The following GRIA3 variants were observed in gnomAD, a reference collection of about 807,000 sequenced individuals.
GRIA3 encodes glutamate receptor 3.
In GRIA3, 3 loss-of-function variants were observed where a neutral mutation model predicts 63.0. The ratio of observed to expected loss-of-function variants is 0.05; its 90% CI spans 0.02 to 0.12. The LOEUF (loss-of-function observed/expected upper bound fraction) is 0.12, where lower values mean the gene tolerates loss of function less well. GRIA3 is among the 10% of genes least tolerant of loss of function. The pLI is 1.00. For missense variants in GRIA3, 347 were observed against 700.9 expected (o/e 0.50, Z 5.70); for synonymous variants, 274 against 257.9 (o/e 1.06, Z -0.60).
intron 2 of GRIA3, chrX:123,202,617 C>T (rs1023812517): frequency 3.4e-6 from 4 of 1,161,510 alleles, no homozygotes; most frequent in Non-Finnish European, 4.6e-6. Context: ...AGCTTCCCCT[C>T]ACCTTGTCAC....
chrX:123,233,996 T>C (rs753452953), intron 2 of GRIA3, among the ~76,000 whole-genome samples: 1 of 111,924 alleles, frequency 8.9e-6, no homozygotes, highest in Non-Finnish European at 1.9e-5. Flanking sequence ...GTCCCTGTTT[T>C]ATGGCCTCAA....
At chrX:123,263,854 A>T (rs2044473484) in intron 3 of GRIA3, among the ~76,000 whole-genome samples, 2 of 112,465 alleles carry the variant, frequency 1.8e-5, no homozygotes, top group African/African-American at 6.5e-5. Flanking sequence ...TATCAACATA[A>T]AGCCCACAGA....
chrX:123,299,548 G>C (rs1441196519), intron 3 of GRIA3, among the ~76,000 whole-genome samples: 1 of 111,237 alleles, frequency 9.0e-6, no homozygotes, highest in African/African-American at 3.3e-5. Context: ...TTTGTGTATA[G>C]GAATGCTAGT....
At chrX:123,344,376 G>C (rs990857188) in intron 4 of GRIA3, among the ~76,000 whole-genome samples, 1 of 111,854 alleles carries the variant, frequency 8.9e-6, no homozygotes, top group Non-Finnish European at 1.9e-5. Context: ...CTGGGAGTGA[G>C]ACAAGTCAGA....
chrX:123,224,114 T>C (rs1318295585), intron 2 of GRIA3, among the ~76,000 whole-genome samples: 1 of 112,138 alleles, frequency 8.9e-6, no homozygotes, highest in Admixed American at 9.4e-5. Context: ...TATTTGATAC[T>C]GTTGACCATC....
chrX:123,184,420 G>C lies in GRIA3; in HGVS notation c.-116G>C, dbSNP rs1330153576. On this transcript the variant is annotated 5_prime_UTR_variant, in exon 1 of 16. Coordinates refer to ENST00000620443, the MANE Select transcript of GRIA3 (RefSeq NM_007325.5). ...TGGGGTGGAAAGGAAGAGTGAGCGA[G>C]AGCAAGTTAAGGGGAGGGGGTGTAA... 3.3e-6 allele frequency: 2 copies of C among 600,885 alleles called. No individual in the cohort carries two copies. Among genetic ancestry groups the C allele is most frequent in the Non-Finnish European group, 5.8e-6 (2 of 345,618 alleles). The allele number at this position is 600,885 out of a possible 1,213,427, so 49.5% of individuals were successfully genotyped here. A position where few individuals can be genotyped will look rare whatever the true frequency, so the allele number is the denominator to read the frequency against.
At chrX:123,289,841 G>C (rs1282667615) in intron 3 of GRIA3, among the ~76,000 whole-genome samples, 1 of 110,598 alleles carries the variant, frequency 9.0e-6, no homozygotes. Context: ...ACCCACCCTA[G>C]TCCCTGCCAA....
chrX:123,261,867 A>G (rs1316007523), intron 3 of GRIA3, among the ~76,000 whole-genome samples: 5 of 112,052 alleles, frequency 4.5e-5, no homozygotes. Context: ...TGGTATTCAC[A>G]TCTCTGAAAA....
intron 2 of GRIA3, among the ~76,000 whole-genome samples, chrX:123,193,031 A>G (rs1210173996): frequency 9.1e-6 from 1 of 110,177 alleles, no homozygotes; most frequent in African/African-American, 3.3e-5. Context: ...CCATCTTTGT[A>G]TCTTCTTGCC....
At chrX:123,404,982 T>A in intron 10 of GRIA3, 68 bp downstream of exon 10, 3 of 809,139 alleles carry the variant, frequency 3.7e-6, no homozygotes, top group Admixed American at 2.2e-5. Flanking sequence ...AGAGAAGATT[T>A]AATTTTCAAG....
At chrX:123,475,265 A>G (rs997023720) in intron 13 of GRIA3, among the ~76,000 whole-genome samples, 10 of 112,324 alleles carry the variant, frequency 8.9e-5, no homozygotes, top group Non-Finnish European at 1.9e-4. Flanking sequence ...TTTTTAGACA[A>G]AATAGAACAA....
At chrX:123,250,078 A>T (rs2044380852) in intron 2 of GRIA3, among the ~76,000 whole-genome samples, 1 of 111,576 alleles carries the variant, frequency 9.0e-6, no homozygotes, top group Admixed American at 9.5e-5. Flanking sequence ...ATATTTTTTT[A>T]AAACCAAGGT....
chrX:123,263,608 G>C lies in GRIA3; in HGVS notation c.508+10066G>C, dbSNP rs562545351. On this transcript the variant is annotated intron_variant, in intron 3 of 15. Coordinates refer to ENST00000620443, the MANE Select transcript of GRIA3 (RefSeq NM_007325.5). Reference sequence around the variant, plus strand: ...TTGGCTAGGCGCTGATTCCATAGCAGGCTTCCCATTTATTTCCACGGGTTC... The same window carrying C: ...TTGGCTAGGCGCTGATTCCATAGCACGCTTCCCATTTATTTCCACGGGTTC... Among the ~76,000 whole-genome samples the C allele has an allele frequency of 2.0e-4, 22 of 112,009 alleles. No homozygotes were observed. The South Asian group carries it at 8.0e-3, about 41-fold the overall frequency.
At chrX:123,213,165 G>A (rs1255567833) in intron 2 of GRIA3, among the ~76,000 whole-genome samples, 3 of 111,999 alleles carry the variant, frequency 2.7e-5, no homozygotes, top group Admixed American at 9.4e-5. Context: ...CCCAACCCCC[G>A]ATGGACAGTC....
intron 11 of GRIA3, among the ~76,000 whole-genome samples, chrX:123,422,865 G>A (rs1003392105): frequency 1.8e-5 from 2 of 112,377 alleles, no homozygotes; most frequent in African/African-American, 3.2e-5. Context: ...GACCTCTGAT[G>A]AGAAATAACC....
intron 5 of GRIA3, among the ~76,000 whole-genome samples, chrX:123,375,511 G>A (rs144111447): frequency 0.012 from 1,392 of 111,893 alleles, 22 homozygotes; most frequent in African/African-American, 0.043. Flanking sequence ...TAAATGATAC[G>A]ATAGGAAAAT....
intron 4 of GRIA3, among the ~76,000 whole-genome samples, chrX:123,338,317 G>T (rs1044166213): frequency 2.7e-5 from 3 of 111,558 alleles, no homozygotes; most frequent in Non-Finnish European, 5.6e-5. Flanking sequence ...ATTTTCACTT[G>T]AGAAAACTTC....
At chrX:123,243,783 C>A (rs1220257067) in intron 2 of GRIA3, among the ~76,000 whole-genome samples, 1 of 111,758 alleles carries the variant, frequency 8.9e-6, no homozygotes, top group Non-Finnish European at 1.9e-5. Context: ...CACTGCCACA[C>A]ACTAGGAACC....
chrX:123,469,067 C>T (rs1464589196), intron 13 of GRIA3, among the ~76,000 whole-genome samples: 1 of 112,535 alleles, frequency 8.9e-6, no homozygotes, highest in Non-Finnish European at 1.9e-5. Context: ...TGTTCCAGCC[C>T]TCAGTACTGA....
Sources: allele counts gnomAD v4.1 joint callset (sites outside exome capture counted in the v4.1 genomes callset), GRCh38; gene constraint gnomAD v4.1.1; transcripts MANE v1.5; gene names NCBI Gene and HGNC (gene_info 2026-07-23, HGNC 2026-07-21).